The following CLSTN2 variants were observed in gnomAD, a reference collection of about 807,000 sequenced individuals.
CLSTN2 encodes the protein calsyntenin-2.
Under a neutral mutation model 101.2 loss-of-function variants are expected in CLSTN2, and 48 were observed. The observed-to-expected ratio is 0.47, with a 90% CI of 0.38 to 0.60. The LOEUF (loss-of-function observed/expected upper bound fraction) is 0.60, where lower values mean the gene tolerates loss of function less well. Ranked by LOEUF, CLSTN2 falls within the 20% of genes least tolerant of loss-of-function variation. The pLI is 0.00. For synonymous variants in CLSTN2, 481 were observed against 463.6 expected, an observed-to-expected ratio of 1.04 and a Z score of -0.48; for missense variants, 1,160 against 1,238.2, an observed-to-expected ratio of 0.94 and a Z score of 0.95.
At chr3:140,059,796 G>A (rs2008166348) in intron 1 of CLSTN2, among the ~76,000 whole-genome samples, 1 of 152,102 alleles carries the variant, frequency 6.6e-6, no homozygotes, top group African/African-American at 2.4e-5. Context: ...AATTGCAATG[G>A]GAGGTATTTG....
chr3:140,465,550 G>T (rs1402216587), intron 7 of CLSTN2, among the ~76,000 whole-genome samples: 3 of 152,128 alleles, frequency 2.0e-5, no homozygotes, highest in Non-Finnish European at 2.9e-5. Context: ...AGCCTGTTTG[G>T]CCAGGAGCAA....
intron 1 of CLSTN2, among the ~76,000 whole-genome samples, chr3:140,153,826 G>A (rs1003686802): frequency 3.9e-5 from 6 of 152,190 alleles, no homozygotes; most frequent in Non-Finnish European, 8.8e-5. Flanking sequence ...GAACACTGGT[G>A]GGAGTGGAGC....
chr3:140,360,025 C>T (rs1000678836), intron 2 of CLSTN2, among the ~76,000 whole-genome samples: 84 of 137,278 alleles, frequency 6.1e-4, no homozygotes, highest in African/African-American at 1.6e-3. Flanking sequence ...CACACACACA[C>T]ACATATATAT....
At chr3:140,231,563 A>C (rs1158761911) in intron 2 of CLSTN2, among the ~76,000 whole-genome samples, 2 of 152,100 alleles carry the variant, frequency 1.3e-5, no homozygotes, top group African/African-American at 4.8e-5. Context: ...GTGGAAAAGT[A>C]CTCCACACTG....
At chr3:140,359,272 G>T (rs1186105517) in intron 2 of CLSTN2, among the ~76,000 whole-genome samples, 1 of 152,156 alleles carries the variant, frequency 6.6e-6, no homozygotes, top group Non-Finnish European at 1.5e-5. Context: ...TGGTGGGCGA[G>T]TGAGTGAGTG....
chr3:140,224,949 C>T (rs1426192059), intron 2 of CLSTN2, among the ~76,000 whole-genome samples: 1 of 152,206 alleles, frequency 6.6e-6, no homozygotes, highest in African/African-American at 2.4e-5. Context: ...AGCCAAGCAA[C>T]CCAAGGAAGG....
chr3:140,303,562 A>G (rs761780786), intron 2 of CLSTN2, among the ~76,000 whole-genome samples: 11 of 152,166 alleles, frequency 7.2e-5, no homozygotes, highest in Non-Finnish European at 1.2e-4. Flanking sequence ...AGGTCTCTAC[A>G]GTTTACAAAA....
At chr3:140,505,556 CACTT>C (rs1179999209) in intron 8 of CLSTN2, 1 of 152,184 alleles carries the variant, frequency 6.6e-6, no homozygotes, top group African/African-American at 2.4e-5. Flanking sequence ...TATGTGGAAA[CACTT>C]ACCCAATTCC....
rs560413825 is a variant in CLSTN2 at position 140,000,955 on chromosome 3, C to G, written c.109+65472C>G. ...TGGCATGTGTCTTGATTCTGAGGCT[C>G]GTAAAATGAAGGCGCTTGTTGGACT... On this transcript the variant is annotated intron_variant, in intron 1 of 16. Coordinates refer to ENST00000458420, the MANE Select transcript of CLSTN2 (RefSeq NM_022131.3). Among the ~76,000 whole-genome samples, 322 of 152,188 alleles carry G rather than the reference C, an allele frequency of 2.1e-3. 1 individual carries two copies. The highest frequency in any genetic ancestry group is 7.2e-3 in the African/African-American group (301 of 41,540).
chr3:140,276,873 T>C (rs144299008), intron 2 of CLSTN2, among the ~76,000 whole-genome samples: 1 of 152,276 alleles, frequency 6.6e-6, no homozygotes, highest in African/African-American at 2.4e-5. Flanking sequence ...CTGGGCTGCC[T>C]TTCACAAGCT....
At chr3:140,277,022 G>A (rs1005838024) in intron 2 of CLSTN2, among the ~76,000 whole-genome samples, 1 of 152,170 alleles carries the variant, frequency 6.6e-6, no homozygotes, top group African/African-American at 2.4e-5. Context: ...TGTGCAAGCA[G>A]GATTAGAGTA....
chr3:140,115,352 T>C (rs1346757636), intron 1 of CLSTN2, among the ~76,000 whole-genome samples: 1 of 151,948 alleles, frequency 6.6e-6, no homozygotes, highest in East Asian at 1.9e-4. Context: ...TTCAAAGATA[T>C]AAAATCGTGA....
At chr3:140,060,315 G>T (rs553009707) in intron 1 of CLSTN2, among the ~76,000 whole-genome samples, 61 of 152,166 alleles carry the variant, frequency 4.0e-4, no homozygotes, top group Non-Finnish European at 3.1e-4. Flanking sequence ...GAAAGCTCAT[G>T]GAGTAGGGGC....
At chr3:140,501,973 G>C (rs1363809514) in intron 8 of CLSTN2, among the ~76,000 whole-genome samples, 2 of 152,108 alleles carry the variant, frequency 1.3e-5, no homozygotes, top group African/African-American at 4.8e-5. Context: ...GTGTGACCTT[G>C]GACATGTTAT....
chr3:140,259,642 C>A (rs1213688268), intron 2 of CLSTN2, among the ~76,000 whole-genome samples: 1 of 152,124 alleles, frequency 6.6e-6, no homozygotes, highest in African/African-American at 2.4e-5. Flanking sequence ...CCCACCTTTT[C>A]AAACCCCATC....
intron 2 of CLSTN2, among the ~76,000 whole-genome samples, chr3:140,269,526 A>C (rs1397357400): frequency 6.6e-6 from 1 of 152,212 alleles, no homozygotes; most frequent in Non-Finnish European, 1.5e-5. Flanking sequence ...ACAGAAATCT[A>C]ATGCTCAACA....
intron 1 of CLSTN2, among the ~76,000 whole-genome samples, chr3:140,080,894 A>G (rs2008585757): frequency 6.6e-6 from 1 of 152,156 alleles, no homozygotes. Context: ...GGAAACTTCC[A>G]TCCCACTTCT....
At chr3:140,195,536 T>C (rs2010631416) in intron 2 of CLSTN2, among the ~76,000 whole-genome samples, 1 of 151,998 alleles carries the variant, frequency 6.6e-6, no homozygotes, top group African/African-American at 2.4e-5. Context: ...AATAAAAGAA[T>C]GGTTATGAGA....
chr3:140,210,082 T>C (rs924726867), intron 2 of CLSTN2, among the ~76,000 whole-genome samples: 3 of 152,228 alleles, frequency 2.0e-5, no homozygotes, highest in Non-Finnish European at 2.9e-5. Flanking sequence ...CCATGACCTA[T>C]GTTGTCACCC....
Sources: allele counts gnomAD v4.1 joint callset (sites outside exome capture counted in the v4.1 genomes callset), GRCh38; gene constraint gnomAD v4.1.1; transcripts MANE v1.5; gene names NCBI Gene and HGNC (gene_info 2026-07-23, HGNC 2026-07-21).